GEN1: variants seen among roughly 807,000 people sequenced by gnomAD.
GEN1 encodes GEN1 structure-specific endonuclease.
A neutral mutation model predicts 67.6 loss-of-function variants in GEN1; 64 were observed. The observed-to-expected ratio is 0.95, with a 90% CI of 0.77 to 1.17. The LOEUF (loss-of-function observed/expected upper bound fraction) is 1.17. Among genes scored for constraint, GEN1 ranks in the 50% most tolerant of loss-of-function variants. The probability of loss-of-function intolerance (pLI) is 0.00; values close to 1 mark genes in which losing one functional copy is unlikely to be tolerated. For missense variants in GEN1, 1,058 were observed against 1,048.3 expected, an observed-to-expected ratio of 1.01 and a Z score of -0.13; for synonymous variants, 371 against 359.4, an observed-to-expected ratio of 1.03 and a Z score of -0.37.
rs1672852332 is a variant in GEN1, at chr2:17,781,790, G to C, written c.2578G>C (p.Ala860Pro). ...TEQCVRSYET[A>P]ENEESCFPDS... ...ACAGTGTGTCAGATCTTATGAAACA[G>C]CTGAAAATGAAGAAAGCTGTTTCCC... The change falls in exon 14 of 14, where the codon GCT (alanine) becomes CCT (proline). Residue 860 changes from alanine (A) to proline (P), a missense_variant. By Grantham distance (27) the Ala-to-Pro change is conservative. Coordinates refer to ENST00000381254, the MANE Select transcript of GEN1 (RefSeq NM_001130009.3). 1 of 1,612,502 alleles carries C rather than the reference G, an allele frequency of 6.2e-7. No individual in the cohort carries two copies. Among genetic ancestry groups the C allele is most frequent in the Admixed American group, 1.7e-5 (1 of 59,724 alleles).
intron 11 of GEN1, among the ~76,000 whole-genome samples, chr2:17,775,911 G>A (rs901459128): frequency 2.0e-5 from 3 of 151,976 alleles, no homozygotes; most frequent in Non-Finnish European, 2.9e-5. Flanking sequence ...GACTGAGGCC[G>A]GTGGATCGAC....
chr2:17,785,523 T>C lies in GEN1; in HGVS notation c.*3584T>C, dbSNP rs1673028886. 1 of 152,310 alleles carries C rather than the reference T, an allele frequency of 6.6e-6. No homozygotes were observed. Among genetic ancestry groups the C allele is most frequent in the Admixed American group, 6.5e-5 (1 of 15,286 alleles). The allele number at this position is 152,310 out of a possible 1,614,324, so 9.4% of individuals were successfully genotyped here. A position where few individuals can be genotyped will look rare whatever the true frequency, so the allele number is the denominator to read the frequency against. Reference sequence around the variant, plus strand: ...TGATGGCTCCATGCTAAGGCCCTGCTCTGGCCTAACTGCTTTGGGCTTTGT... The same window carrying C: ...TGATGGCTCCATGCTAAGGCCCTGCCCTGGCCTAACTGCTTTGGGCTTTGT... On this transcript the variant is annotated 3_prime_UTR_variant, in exon 14 of 14. Coordinates refer to ENST00000381254, the MANE Select transcript of GEN1 (RefSeq NM_001130009.3).
chr2:17,757,510 C>A (rs1671488307), intron 1 of GEN1, among the ~76,000 whole-genome samples: 1 of 151,992 alleles, frequency 6.6e-6, no homozygotes, highest in Non-Finnish European at 1.5e-5. Flanking sequence ...CACTACTATT[C>A]ATTTGTGTAT....
At position 17,772,667 on chromosome 2, in the gene GEN1, G is replaced by C. The variant is rs762584233; in HGVS notation, c.836G>C (p.Arg279Thr). The change falls in exon 8 of 14, where the codon AGA (arginine) becomes ACA (threonine). Residue 279 changes from arginine (R) to threonine (T), a missense_variant. Arg to Thr is a moderately conservative substitution (Grantham distance 71). Coordinates refer to ENST00000381254, the MANE Select transcript of GEN1 (RefSeq NM_001130009.3). Reference protein sequence around the residue: ...SPKDHERNGCRLCKSDKYCEP... With the variant: ...SPKDHERNGCTLCKSDKYCEP... Reference sequence around the variant, plus strand: ...AAGGATCATGAACGTAATGGATGCAGATTATGTAAAAGTGATAAATATTGT... The same window carrying C: ...AAGGATCATGAACGTAATGGATGCACATTATGTAAAAGTGATAAATATTGT... The C allele has an allele frequency of 1.2e-6, 2 of 1,611,606 alleles. No individual in the cohort carries two copies. Among genetic ancestry groups the C allele is most frequent in the South Asian group, 2.2e-5 (2 of 90,850 alleles).
At chr2:17,761,313 A>T (rs557564617) in intron 2 of GEN1, 83 bp from the exon 3 acceptor site, 64 of 711,700 alleles carry the variant, frequency 9.0e-5, no homozygotes, top group African/African-American at 7.1e-4. Flanking sequence ...TACTAGTCTA[A>T]TGTTCTTGCC....
Position 17,781,259 on chromosome 2 carries a change from T to A in GEN1, c.2047T>A (p.Ser683Thr). Residue 683 changes from serine to threonine, a missense_variant, in exon 14 of 14, where the codon TCA (serine) becomes ACA (threonine). By Grantham distance (58) the Ser-to-Thr change is moderately conservative (BLOSUM62 1). Coordinates refer to ENST00000381254, the MANE Select transcript of GEN1 (RefSeq NM_001130009.3). The part of the protein sequence containing the change: ...PLKERIFTKL[S>T]YPQDNLQPDV... The stretch of plus-strand genomic sequence containing the variant: ...AAAGGAACGAATATTTACAAAATTA[T>A]CATATCCTCAGGATAATCTACAACC... 4.3e-6 allele frequency: 7 copies of A among 1,613,544 alleles called. No individual in the cohort carries two copies. Among genetic ancestry groups the A allele is most frequent in the Non-Finnish European group, 5.9e-6 (7 of 1,179,554 alleles).
intron 8 of GEN1, 50 bp downstream of exon 8, chr2:17,772,834 T>C: frequency 7.1e-7 from 1 of 1,416,456 alleles, no homozygotes; most frequent in South Asian, 1.3e-5. Flanking sequence ...CCTATACACA[T>C]ACCTTTGGTT....
chr2:17,780,629 C>T lies in GEN1; in HGVS notation c.1417C>T (p.Pro473Ser). The T allele has an allele frequency of 1.3e-6, 2 of 1,569,896 alleles. No homozygotes were observed. Among genetic ancestry groups the T allele is most frequent in the Non-Finnish European group, 1.7e-6 (2 of 1,158,608 alleles). The change falls in exon 14 of 14, where the codon CCT becomes TCT. Residue 473 changes from proline (P) to serine (S), a missense_variant. Coordinates refer to ENST00000381254, the MANE Select transcript of GEN1 (RefSeq NM_001130009.3). ...IKGKKQKRIKPKENNLPEPDE... is the reference protein window; with the variant it reads ...IKGKKQKRIKSKENNLPEPDE... ...ATTTTTTTTCTTTTCAGGTATTAAG[C>T]CTAAAGAAAACAATTTGCCAGAACC...
Position 17,787,733 on chromosome 2 carries a change from G to C in GEN1, c.*5794G>C, listed in dbSNP as rs756717557. On this transcript the variant is annotated 3_prime_UTR_variant, in exon 14 of 14. Coordinates refer to ENST00000381254, the MANE Select transcript of GEN1 (RefSeq NM_001130009.3). ...GAGGTCAGGAGTTCGAGACCAACCT[G>C]GCCAACATGGTGAAATCCCATCTCT... The C allele has an allele frequency of 2.0e-5, 3 of 152,248 alleles. No homozygotes were observed. The highest frequency in any genetic ancestry group is 4.4e-5 in the Non-Finnish European group (3 of 68,114). 9.4% of individuals were successfully genotyped at this position (152,248 alleles called of 1,614,324 possible). A position where few individuals can be genotyped will look rare whatever the true frequency, so the allele number is the denominator to read the frequency against.
intron 2 of GEN1, 133 bp downstream of exon 2, chr2:17,760,237 T>G (rs1471516662): frequency 1.2e-6 from 1 of 815,076 alleles, no homozygotes; most frequent in Non-Finnish European, 1.9e-6. Flanking sequence ...CTATTTAACA[T>G]GTCTAGATTC....
At chr2:17,779,248 C>T in intron 12 of GEN1, among the ~76,000 whole-genome samples, 1 of 152,122 alleles carries the variant, frequency 6.6e-6, no homozygotes, top group East Asian at 1.9e-4. Context: ...CTTTTGATGG[C>T]CCTTTCAATT....
At position 17,781,263 on chromosome 2, in the gene GEN1, A is replaced by G. The variant is rs367927356; in HGVS notation, c.2051A>G (p.Tyr684Cys). The G allele has an allele frequency of 1.9e-5, 30 of 1,613,330 alleles. No individual in the cohort carries two copies. The highest frequency in any genetic ancestry group is 1.0e-4 in the Admixed American group (6 of 59,992). The change falls in exon 14 of 14, where the codon TAT becomes TGT. Residue 684 changes from tyrosine to cysteine, a missense_variant. Tyr to Cys is a radical substitution (Grantham distance 194). Transcript: ENST00000381254. ...LKERIFTKLS[Y>C]PQDNLQPDVN... Reference sequence around the variant, plus strand: ...GAACGAATATTTACAAAATTATCATATCCTCAGGATAATCTACAACCAGAT... The same window carrying G: ...GAACGAATATTTACAAAATTATCATGTCCTCAGGATAATCTACAACCAGAT...
In GEN1 at chr2:17,787,404, C is replaced by T. The variant is rs1192304347; in HGVS notation, c.*5465C>T. 2 of 152,202 alleles carry T rather than the reference C, an allele frequency of 1.3e-5. No individual in the cohort carries two copies. Among genetic ancestry groups the T allele is most frequent in the Non-Finnish European group, 1.5e-5 (1 of 68,038 alleles). 9.4% of individuals were successfully genotyped at this position (152,202 alleles called of 1,614,324 possible). On this transcript the variant is annotated 3_prime_UTR_variant, in exon 14 of 14. Transcript: ENST00000381254. ...CCTACACAGGGTTTGACTCTTCTGCCTCACCAACTCTTACCCATCGAGATT... is the reference window on the plus strand; with the variant it reads ...CCTACACAGGGTTTGACTCTTCTGCTTCACCAACTCTTACCCATCGAGATT...
intron 6 of GEN1, 65 bp from the exon 7 acceptor site, chr2:17,771,131 T>C (rs1372546200): frequency 2.2e-6 from 2 of 914,878 alleles, no homozygotes; most frequent in Non-Finnish European, 3.6e-6. Context: ...GCCTGATATT[T>C]GAGAACATAC....
At chr2:17,759,704 C>T (rs1276510544) in intron 1 of GEN1, among the ~76,000 whole-genome samples, 4 of 152,046 alleles carry the variant, frequency 2.6e-5, no homozygotes, top group Non-Finnish European at 5.9e-5. Context: ...CATTCGCTAC[C>T]GATCTCTGCT....
chr2:17,764,838 GTAAA>G (rs770214634), intron 3 of GEN1, 55 bp from the exon 4 acceptor site: 6 of 1,469,400 alleles, frequency 4.1e-6, no homozygotes, highest in Non-Finnish European at 5.6e-6. Context: ...AGGTTTAATA[GTAAA>G]TAAATGAGCA....
chr2:17,765,808 T>G (rs993339299), intron 4 of GEN1, among the ~76,000 whole-genome samples: 2 of 152,196 alleles, frequency 1.3e-5, no homozygotes, highest in Non-Finnish European at 2.9e-5. Flanking sequence ...TTTTATATAA[T>G]CCTACTTTTA....
At chr2:17,780,277 C>A (rs1672762270) in intron 13 of GEN1, among the ~76,000 whole-genome samples, 156 bp downstream of exon 13, 1 of 152,168 alleles carries the variant, frequency 6.6e-6, no homozygotes, top group Non-Finnish European at 1.5e-5. Context: ...CACATACTTT[C>A]TTTTAAAGCT....
At chr2:17,777,230 C>G (rs953820414) in intron 11 of GEN1, among the ~76,000 whole-genome samples, 1 of 151,628 alleles carries the variant, frequency 6.6e-6, no homozygotes, top group African/African-American at 2.4e-5. Flanking sequence ...AGTGGTCAGC[C>G]CAGGAATTGA....
Sources: allele counts gnomAD v4.1 joint callset (sites outside exome capture counted in the v4.1 genomes callset), GRCh38; gene constraint gnomAD v4.1.1; transcripts MANE v1.5; gene names NCBI Gene and HGNC (gene_info 2026-07-23, HGNC 2026-07-21).